The following SLITRK5 variants were observed in gnomAD, a reference collection of about 807,000 sequenced individuals.
SLITRK5 encodes SLIT and NTRK-like protein 5.
A neutral mutation model predicts 56.2 loss-of-function variants in SLITRK5; 23 were observed. That is an observed-to-expected ratio of 0.41 (90% CI 0.29 to 0.58). The LOEUF (loss-of-function observed/expected upper bound fraction) is 0.58. Among genes scored for constraint, SLITRK5 ranks in the 20% least tolerant of loss-of-function variants. The probability of loss-of-function intolerance (pLI) is 0.30; values close to 1 mark genes in which losing one functional copy is unlikely to be tolerated. For missense variants in SLITRK5, 1,289 were observed against 1,226.6 expected (o/e 1.05, Z -0.76); for synonymous variants, 637 against 531.8 (o/e 1.20, Z -2.72).
Position 87,678,239 on chromosome 13 carries a change from A to G in SLITRK5, c.2851A>G (p.Lys951Glu). 6.2e-7 allele frequency: 1 copy of G among 1,613,242 alleles called. No individual in the cohort carries two copies. Among genetic ancestry groups the G allele is most frequent in the Non-Finnish European group, 8.5e-7 (1 of 1,179,568 alleles). ...GCCGGACTACCTCGAAGTGCTGGAA[A>G]AACAGACCACGTTTAGCCAGTTCTA... is the stretch of plus-strand genomic sequence containing the variant. ...VEPDYLEVLE[K>E]QTTFSQF is the part of the protein sequence containing the mutation. The change falls in exon 2 of 2, where the codon AAA becomes GAA. Residue 951 changes from lysine to glutamate, a missense_variant. Physicochemically the swap from Lys to Glu is moderately conservative, Grantham distance 56. Coordinates refer to ENST00000683689, the MANE Select transcript of SLITRK5 (RefSeq NM_001384609.1).
In SLITRK5 at chr13:87,679,379, T is replaced by C. The variant is rs1246018715; in HGVS notation, c.*1114T>C. The C allele has an allele frequency of 6.0e-6, 1 of 167,020 alleles. No individual in the cohort carries two copies. Among genetic ancestry groups the C allele is most frequent in the African/African-American group, 2.4e-5 (1 of 41,440 alleles). The allele number at this position is 167,020 out of a possible 1,614,324, so 10.3% of individuals were successfully genotyped here. On this transcript the variant is annotated 3_prime_UTR_variant, in exon 2 of 2. Coordinates refer to ENST00000683689, the MANE Select transcript of SLITRK5 (RefSeq NM_001384609.1). Reference sequence around the variant, plus strand: ...TACTATTGTAGCCGATTTTCGATTGTTTAACCAAACCCAGTTGCATTTGTA... The same window carrying C: ...TACTATTGTAGCCGATTTTCGATTGCTTAACCAAACCCAGTTGCATTTGTA...
Position 87,677,787 on chromosome 13 carries a change from C to T in SLITRK5, c.2399C>T (p.Pro800Leu). The change falls in exon 2 of 2, where the codon CCG becomes CTG. Residue 800 changes from proline (P) to leucine (L), a missense_variant. By Grantham distance (98) the Pro-to-Leu change is moderately conservative. This residue lies in a region of SLITRK5 where 985 missense variants were observed against 906.0 expected (regional missense o/e 1.09). Transcript: ENST00000683689. This position sits in a 1 kb window ranked among gnomAD's most constrained non-coding sequence, Gnocchi z 4.7. The stretch of plus-strand genomic sequence containing the variant: ...CTGCAGCAGCAGCAGCAGCCGCCGC[C>T]GCCACCGCAGCAGCCACAGCAGCAG... ...HHLQQQQQPPPPPQQPQQQPP... is the reference protein window; with the variant it reads ...HHLQQQQQPPLPPQQPQQQPP... 1 of 1,609,308 alleles carries T rather than the reference C, an allele frequency of 6.2e-7. No homozygotes were observed. Among genetic ancestry groups the T allele is most frequent in the Non-Finnish European group, 8.5e-7 (1 of 1,177,916 alleles).
chr13:87,674,278 T>TA (rs955901644), intron 1 of SLITRK5: 81 of 525,796 alleles, frequency 1.5e-4, no homozygotes, highest in East Asian at 3.0e-4. Flanking sequence ...TCCCTGAGAT[T>TA]AAAAAAAAGA....
chr13:87,672,855 GT>G (rs1207263193), intron 1 of SLITRK5: 9 of 3,388 alleles, frequency 2.7e-3, no homozygotes, highest in Middle Eastern at 0.5. Context: ...TGCAAAAGAG[GT>G]GTGTGTGTGT....
In SLITRK5 at chr13:87,679,385, C is replaced by G. The variant is rs1877442516; in HGVS notation, c.*1120C>G. 1 of 166,920 alleles carries G rather than the reference C, an allele frequency of 6.0e-6. No individual in the cohort carries two copies. Among genetic ancestry groups the G allele is most frequent in the Non-Finnish European group, 1.5e-5 (1 of 68,086 alleles). The allele number at this position is 166,920 out of a possible 1,614,324, so 10.3% of individuals were successfully genotyped here. A position where few individuals can be genotyped will look rare whatever the true frequency, so the allele number is the denominator to read the frequency against. On this transcript the variant is annotated 3_prime_UTR_variant, in exon 2 of 2. Transcript: ENST00000683689. ...TGTAGCCGATTTTCGATTGTTTAAC[C>G]AAACCCAGTTGCATTTGTACAGATC... is the stretch of plus-strand genomic sequence containing the variant.
At chr13:87,674,448 G>A in intron 1 of SLITRK5, 1 of 980,280 alleles carries the variant, frequency 1.0e-6, no homozygotes, top group Non-Finnish European at 1.2e-6. Flanking sequence ...ACTGATTCCC[G>A]GTAAGCGGTA....
chr13:87,677,872 G>A lies in SLITRK5; in HGVS notation c.2484G>A (p.Leu828=). The change falls in exon 2 of 2, where the codon TTG becomes TTA. Residue 828 remains leucine, a synonymous_variant. Coordinates refer to ENST00000683689, the MANE Select transcript of SLITRK5 (RefSeq NM_001384609.1). This position sits in a 1 kb window ranked among gnomAD's most constrained non-coding sequence, Gnocchi z 4.7. Reference sequence around the variant, plus strand: ...AGGAGAGGCGGGAAAGCCACCACTTGCGGAGCCCCGCCTACAGCGTCAGCA... The same window carrying A: ...AGGAGAGGCGGGAAAGCCACCACTTACGGAGCCCCGCCTACAGCGTCAGCA... ...GEEERRESHH[L]RSPAYSVSTI... 1 of 1,608,256 alleles carries A rather than the reference G, an allele frequency of 6.2e-7. No homozygotes were observed.
chr13:87,673,204 A>C (rs1193505002), intron 1 of SLITRK5, among the ~76,000 whole-genome samples: 1 of 150,470 alleles, frequency 6.6e-6, no homozygotes, highest in East Asian at 2.0e-4. Flanking sequence ...CCTCCAGGAA[A>C]AAAAAAAATC....
In SLITRK5 at chr13:87,677,228, G is replaced by C; in HGVS notation, c.1840G>C (p.Asp614His). The C allele has an allele frequency of 6.2e-7, 1 of 1,614,190 alleles. No homozygotes were observed. Among genetic ancestry groups the C allele is most frequent in the Non-Finnish European group, 8.5e-7 (1 of 1,180,052 alleles). The change falls in exon 2 of 2, where the codon GAC becomes CAC. Residue 614 changes from aspartate to histidine, a missense_variant. Transcript: ENST00000683689. This position sits in a 1 kb window ranked among gnomAD's most constrained non-coding sequence, Gnocchi z 4.7. ...RSIKSELLCP[D>H]YSDVVVSTPT... ...CATTAAGTCGGAGCTGCTGTGCCCT[G>C]ACTATTCAGATGTAGTAGTTTCCAC...
At chr13:87,673,130 G>A (rs1175911450) in intron 1 of SLITRK5, among the ~76,000 whole-genome samples, 1 of 151,640 alleles carries the variant, frequency 6.6e-6, no homozygotes, top group East Asian at 2.0e-4. Context: ...CTGCAGGGAC[G>A]TACAGGGCGG....
intron 1 of SLITRK5, among the ~76,000 whole-genome samples, chr13:87,674,805 C>G (rs1170535311): frequency 6.6e-6 from 1 of 152,084 alleles, no homozygotes; most frequent in South Asian, 2.1e-4. Context: ...ATATTACAGC[C>G]TTTTTGCCTC....
rs1449945357 is a variant in SLITRK5, at chr13:87,677,307, C to A, written c.1919C>A (p.Ala640Glu). 5 of 1,614,144 alleles carry A rather than the reference C, an allele frequency of 3.1e-6. No individual in the cohort carries two copies. The highest frequency in any genetic ancestry group is 1.7e-5 in the Admixed American group (1 of 60,028). Reference sequence around the variant, plus strand: ...GCGAGGACCAGCGCCGTGACTCCTGCGGTCCGGTTGAATAGCACCGGGGCC... The same window carrying A: ...GCGAGGACCAGCGCCGTGACTCCTGAGGTCCGGTTGAATAGCACCGGGGCC... ...VPARTSAVTP[A>E]VRLNSTGAPA... The change falls in exon 2 of 2, where the codon GCG becomes GAG. Residue 640 changes from alanine to glutamate, a missense_variant. Physicochemically the swap from Ala to Glu is moderately radical, Grantham distance 107. Coordinates refer to ENST00000683689, the MANE Select transcript of SLITRK5 (RefSeq NM_001384609.1). The surrounding 1 kb of genome is among the most constrained non-coding windows in gnomAD (Gnocchi z 4.7).
rs541711096 is a variant in SLITRK5 at position 87,671,813 on chromosome 13, C to T, written c.-405C>T. Among the ~76,000 whole-genome samples, 121 of 152,102 alleles carry T rather than the reference C, an allele frequency of 8.0e-4. No individual in the cohort carries two copies. Among genetic ancestry groups the T allele is most frequent in the Non-Finnish European group, 1.3e-3 (87 of 67,972 alleles). On this transcript the variant is annotated 5_prime_UTR_variant, in exon 1 of 2. Coordinates refer to ENST00000683689, the MANE Select transcript of SLITRK5 (RefSeq NM_001384609.1). The stretch of plus-strand genomic sequence containing the variant: ...GGGGCCGCGGCGGCGGCGGGCTCGG[C>T]GCGGAGACAGCGTCGGCGGGATCCC...
chr13:87,678,341 T>C lies in SLITRK5; in HGVS notation c.*76T>C, dbSNP rs1385177738. ...AGACACACACAGTGAACACATTTGA[T>C]TAATTGTGTTGTTTCAACGTTTAGG... On this transcript the variant is annotated 3_prime_UTR_variant, in exon 2 of 2. Coordinates refer to ENST00000683689, the MANE Select transcript of SLITRK5 (RefSeq NM_001384609.1). 2 of 1,358,846 alleles carry C rather than the reference T, an allele frequency of 1.5e-6. No homozygotes were observed. Among genetic ancestry groups the C allele is most frequent in the Admixed American group, 2.2e-5 (1 of 45,204 alleles). 84.2% of individuals were successfully genotyped at this position (1,358,846 alleles called of 1,614,324 possible). A position where few individuals can be genotyped will look rare whatever the true frequency, so the allele number is the denominator to read the frequency against.
intron 1 of SLITRK5, chr13:87,672,954 T>G (rs1877107496): frequency 6.7e-6 from 1 of 148,332 alleles, no homozygotes; most frequent in South Asian, 2.0e-4. Flanking sequence ...CTCCCCTTCT[T>G]CCTCCGTTTT....
chr13:87,678,481 T>G lies in SLITRK5; in HGVS notation c.*216T>G, dbSNP rs1298593887. 1 of 581,014 alleles carries G rather than the reference T, an allele frequency of 1.7e-6. No homozygotes were observed. The highest frequency in any genetic ancestry group is 3.2e-5 in the Admixed American group (1 of 31,468). 36.0% of individuals were successfully genotyped at this position (581,014 alleles called of 1,614,324 possible). A position where few individuals can be genotyped will look rare whatever the true frequency, so the allele number is the denominator to read the frequency against. ...TTTGTGTAAACTGGGCACATCACTT[T>G]CTCTTCTTGCGTGTGGGGCAGGTGT... is the stretch of plus-strand genomic sequence containing the variant. On this transcript the variant is annotated 3_prime_UTR_variant, in exon 2 of 2. Coordinates refer to ENST00000683689, the MANE Select transcript of SLITRK5 (RefSeq NM_001384609.1).
intron 1 of SLITRK5, chr13:87,673,437 T>C: frequency 1.9e-6 from 1 of 534,204 alleles, no homozygotes; most frequent in Non-Finnish European, 3.2e-6. Flanking sequence ...TAATACTGGC[T>C]GGACTGAATT....
chr13:87,675,337 T>G (rs962572065), intron 1 of SLITRK5, 44 bp from the exon 2 acceptor site: 2 of 1,416,478 alleles, frequency 1.4e-6, no homozygotes, highest in Non-Finnish European at 2.0e-6. Flanking sequence ...CCCTTAAATT[T>G]TTGTCATATT....
In SLITRK5 at chr13:87,677,199, G is replaced by C. The variant is rs1429114526; in HGVS notation, c.1811G>C (p.Arg604Pro). The C allele has an allele frequency of 1.2e-6, 2 of 1,614,154 alleles. No homozygotes were observed. Among genetic ancestry groups the C allele is most frequent in the Non-Finnish European group, 1.7e-6 (2 of 1,180,026 alleles). Residue 604 changes from arginine (R) to proline (P), a missense_variant, in exon 2 of 2, where the codon CGC becomes CCC. Around this residue, in one of 3 missense-constraint regions of SLITRK5, gnomAD observed 985 missense variants for 906.0 expected, o/e 1.09. Transcript: ENST00000683689. The surrounding 1 kb of genome is among the most constrained non-coding windows in gnomAD (Gnocchi z 4.7). Reference sequence around the variant, plus strand: ...AAAAAATTCGCTGAGACCGACATGCGCTCCATTAAGTCGGAGCTGCTGTGC... The same window carrying C: ...AAAAAATTCGCTGAGACCGACATGCCCTCCATTAAGTCGGAGCTGCTGTGC... The part of the protein sequence containing the change: ...APKKFAETDM[R>P]SIKSELLCPD...
Sources: allele counts gnomAD v4.1 joint callset (sites outside exome capture counted in the v4.1 genomes callset), GRCh38; gene constraint gnomAD v4.1.1; regional missense constraint gnomAD v4.1.1; non-coding constraint Gnocchi (gnomAD v3.1); transcripts MANE v1.5; gene names NCBI Gene and HGNC (gene_info 2026-07-23, HGNC 2026-07-21).